TRANK1: variants seen among roughly 807,000 people sequenced by gnomAD.
TRANK1 encodes the protein tetratricopeptide repeat and ankyrin repeat containing 1, also known as TPR and ankyrin repeat-containing protein 1.
Under a neutral mutation model 266.0 loss-of-function variants are expected in TRANK1, and 198 were observed. The ratio of observed to expected loss-of-function variants is 0.74; its 90% CI spans 0.66 to 0.84. The LOEUF (loss-of-function observed/expected upper bound fraction) is 0.84, where lower values mean the gene tolerates loss of function less well. TRANK1 is among the 40% of genes least tolerant of loss of function. The pLI, the probability that TRANK1 is intolerant of heterozygous loss-of-function variation, is 0.00. For synonymous variants in TRANK1, 1,396 were observed against 1,384.1 expected (o/e 1.01, Z -0.19); for missense variants, 3,326 against 3,634.6 (o/e 0.92, Z 2.18).
intron 20 of TRANK1, among the ~76,000 whole-genome samples, chr3:36,837,330 G>T (rs1306084928): frequency 6.6e-6 from 1 of 152,124 alleles, no homozygotes; most frequent in Non-Finnish European, 1.5e-5. Flanking sequence ...CATGGAACAG[G>T]GTAGGCAGCA....
intron 17 of TRANK1, among the ~76,000 whole-genome samples, chr3:36,845,392 C>G (rs1486372096): frequency 6.6e-6 from 1 of 152,112 alleles, no homozygotes; most frequent in African/African-American, 2.4e-5. Context: ...AACTCGGAAA[C>G]CAAACAGATT....
chr3:36,842,313 C>T (rs1156446683), intron 18 of TRANK1, among the ~76,000 whole-genome samples: 2 of 152,214 alleles, frequency 1.3e-5, no homozygotes, highest in Admixed American at 1.3e-4. Flanking sequence ...AGCTTTTAGG[C>T]ATAGAGTACA....
In TRANK1 at chr3:36,857,756, T is replaced by C. The variant is rs1247216797; in HGVS notation, c.1966A>G (p.Ser656Gly). 2.5e-6 allele frequency: 4 copies of C among 1,613,958 alleles called. No homozygotes were observed. In the East Asian group the frequency reaches 8.9e-5, roughly 36 times the overall value. Residue 656 changes from serine (S) to glycine (G), a missense_variant, in exon 13 of 24, where the codon AGC becomes GGC. By Grantham distance (56) the Ser-to-Gly change is moderately conservative. Transcript: ENST00000645898. The surrounding 1 kb of genome is among the most constrained non-coding windows in gnomAD (Gnocchi z 4.3). The stretch of plus-strand genomic sequence containing the variant: ...AGGTGGGCAGCAGAGTCCTGCCGGC[T>C]CCTCCTCCTGTTCTCCATCAGAGCT... Reference protein sequence around the residue: ...NKALMENRRRSRQDSAAHLGK... With the variant: ...NKALMENRRRGRQDSAAHLGK...
intron 1 of TRANK1, among the ~76,000 whole-genome samples, chr3:36,942,774 C>A (rs937535651): frequency 6.6e-6 from 1 of 151,966 alleles, no homozygotes; most frequent in Non-Finnish European, 1.5e-5. Flanking sequence ...TGCTGACGGT[C>A]TCCTCATACT....
chr3:36,835,101 C>T (rs1426606879), intron 20 of TRANK1, among the ~76,000 whole-genome samples, 194 bp from the exon 21 acceptor site: 2 of 151,794 alleles, frequency 1.3e-5, no homozygotes, highest in South Asian at 2.1e-4. Flanking sequence ...GGGCGGATCA[C>T]GAGGTCAGGA....
chr3:36,851,413 C>G, intron 15 of TRANK1: 1 of 1,099,808 alleles, frequency 9.1e-7, no homozygotes, highest in Non-Finnish European at 1.1e-6. Flanking sequence ...CCAACTTGGG[C>G]ATCCCTGGGA....
chr3:36,868,877 G>C (rs1034666416), intron 9 of TRANK1, among the ~76,000 whole-genome samples: 5 of 152,176 alleles, frequency 3.3e-5, no homozygotes, highest in African/African-American at 1.2e-4. Flanking sequence ...GGACCAGAAA[G>C]ATAAGGATTC....
At chr3:36,879,749 T>TAA (rs2079463113) in intron 8 of TRANK1, among the ~76,000 whole-genome samples, 1 of 101,206 alleles carries the variant, frequency 9.9e-6, no homozygotes, top group Non-Finnish European at 1.8e-5. Flanking sequence ...TACAAATATA[T>TAA]AAATATATAT....
intron 1 of TRANK1, among the ~76,000 whole-genome samples, chr3:36,916,496 G>A (rs113831955): frequency 0.012 from 1,770 of 152,288 alleles, 44 homozygotes; most frequent in African/African-American, 0.04. Flanking sequence ...GAAGGCAGAG[G>A]TTGCAGTGAG....
chr3:36,938,322 A>G (rs968738560), intron 1 of TRANK1, among the ~76,000 whole-genome samples: 7 of 151,948 alleles, frequency 4.6e-5, no homozygotes, highest in Non-Finnish European at 1.0e-4. Flanking sequence ...GGGTTCAAGC[A>G]ATTCTCCAGC....
chr3:36,874,956 G>C (rs1337039996), intron 8 of TRANK1, among the ~76,000 whole-genome samples: 1 of 150,884 alleles, frequency 6.6e-6, no homozygotes, highest in Non-Finnish European at 1.5e-5. Flanking sequence ...CCATATGTAA[G>C]CTTTCCTAAA....
rs947253540 is a variant in TRANK1, at chr3:36,856,893, G to A, written c.2829C>T (p.Asp943=). The part of the protein sequence containing the change: ...RIYTEIIRIW[D]IVLDHCKLAD... ...CCAGTTTGCAGTGATCTAAGACGATGTCCCAAATCCGGATGATTTCCGTGT... is the reference window on the plus strand; with the variant it reads ...CCAGTTTGCAGTGATCTAAGACGATATCCCAAATCCGGATGATTTCCGTGT... Residue 943 remains aspartate, a synonymous_variant, in exon 13 of 24, where the codon GAC becomes GAT. Coordinates refer to ENST00000645898, the MANE Select transcript of TRANK1 (RefSeq NM_001329998.2). 1 of 1,614,014 alleles carries A rather than the reference G, an allele frequency of 6.2e-7. No homozygotes were observed. Among genetic ancestry groups the A allele is most frequent in the South Asian group, 1.1e-5 (1 of 91,078 alleles).
chr3:36,875,511 G>A (rs1165071996), intron 8 of TRANK1, among the ~76,000 whole-genome samples: 1 of 152,202 alleles, frequency 6.6e-6, no homozygotes, highest in Admixed American at 6.5e-5. Flanking sequence ...CATAGCCAAA[G>A]CCAACACCTT....
intron 1 of TRANK1, among the ~76,000 whole-genome samples, chr3:36,942,875 A>T (rs900227075): frequency 4.3e-5 from 3 of 69,160 alleles, no homozygotes; most frequent in Non-Finnish European, 6.3e-5. Context: ...GACCCGCTTT[A>T]AAAAAAAAAA....
chr3:36,927,221 G>A (rs551327459), intron 1 of TRANK1, among the ~76,000 whole-genome samples: 15 of 152,204 alleles, frequency 9.9e-5, no homozygotes, highest in African/African-American at 3.1e-4. Context: ...CCAACTCTAC[G>A]TCCCTGGTCA....
intron 8 of TRANK1, among the ~76,000 whole-genome samples, chr3:36,878,529 A>C (rs2079423157): frequency 1.3e-5 from 2 of 152,128 alleles, no homozygotes; most frequent in Admixed American, 1.3e-4. Flanking sequence ...TTCAACTTAC[A>C]TGTTCTTACC....
chr3:36,895,861 T>A, intron 4 of TRANK1, 103 bp from the exon 5 acceptor site: 1 of 671,508 alleles, frequency 1.5e-6, no homozygotes, highest in Non-Finnish European at 2.4e-6. Context: ...AATGGTAAAT[T>A]AAAGATACCC....
At chr3:36,858,228 G>A (rs1208674440) in intron 12 of TRANK1, among the ~76,000 whole-genome samples, 179 bp from the exon 13 acceptor site, 2 of 152,134 alleles carry the variant, frequency 1.3e-5, no homozygotes, top group Non-Finnish European at 2.9e-5. Flanking sequence ...ACTCCCCAAG[G>A]GACATTTGGC....
At chr3:36,941,200 C>A (rs10049429) in intron 1 of TRANK1, among the ~76,000 whole-genome samples, 6,091 of 152,246 alleles carry the variant, frequency 0.04, 422 homozygotes, top group African/African-American at 0.14. Context: ...ACTGATTTTT[C>A]GGACTGGGAA....
Sources: gnomAD v4.1 joint callset for allele counts (sites outside exome capture counted in the v4.1 genomes callset) on GRCh38, gnomAD v4.1.1 for gene constraint, Gnocchi (gnomAD v3.1) non-coding constraint, MANE v1.5 for transcripts, NCBI Gene and HGNC (gene_info 2026-07-23, HGNC 2026-07-21) for gene names.